USH2A: variants seen among roughly 807,000 people sequenced by gnomAD.
The protein encoded by USH2A is usherin.
Under a neutral mutation model 538.9 loss-of-function variants are expected in USH2A, and 443 were observed. The ratio of observed to expected loss-of-function variants is 0.82; its 90% CI spans 0.76 to 0.89. The LOEUF (loss-of-function observed/expected upper bound fraction) is 0.89, where lower values mean the gene tolerates loss of function less well. USH2A is among the 40% of genes least tolerant of loss of function. USH2A has a pLI of 0.00. For synonymous variants in USH2A, 2,413 were observed against 2,273.5 expected, an observed-to-expected ratio of 1.06 and a Z score of -1.75; for missense variants, 6,633 against 6,324.8, an observed-to-expected ratio of 1.05 and a Z score of -1.65.
chr1:216,421,707 A>C (rs1007422683), intron 2 of USH2A, 145 bp downstream of exon 2: 1 of 1,316,834 alleles, frequency 7.6e-7, no homozygotes, highest in African/African-American at 1.5e-5. Context: ...AAAAATTTTA[A>C]TTGGGGAAAC....
chr1:216,085,647 A>G (rs1261676472), intron 24 of USH2A, among the ~76,000 whole-genome samples: 1 of 152,030 alleles, frequency 6.6e-6, no homozygotes, highest in East Asian at 1.9e-4. Flanking sequence ...GGTACTTAGT[A>G]TCAGGGTATT....
chr1:215,794,459 T>G (rs1323180663), intron 50 of USH2A, among the ~76,000 whole-genome samples: 2 of 152,092 alleles, frequency 1.3e-5, no homozygotes. Context: ...GTATGCTGTT[T>G]GTTGCTAGGT....
intron 56 of USH2A, among the ~76,000 whole-genome samples, chr1:215,765,867 T>C (rs1004048528): frequency 2.6e-5 from 4 of 152,168 alleles, no homozygotes; most frequent in African/African-American, 9.7e-5. Flanking sequence ...TGAATTTATT[T>C]AGCAATTCTA....
At chr1:215,764,942 A>G (rs1661087372) in intron 56 of USH2A, among the ~76,000 whole-genome samples, 1 of 151,874 alleles carries the variant, frequency 6.6e-6, no homozygotes, top group Non-Finnish European at 1.5e-5. Flanking sequence ...ATTTCTTTGC[A>G]TGATTATTTG....
At chr1:215,939,757 A>G (rs1052035718) in intron 37 of USH2A, among the ~76,000 whole-genome samples, 4 of 152,098 alleles carry the variant, frequency 2.6e-5, no homozygotes, top group Non-Finnish European at 5.9e-5. Context: ...AATGCACCAT[A>G]TATTCCATAA....
rs140946605 is a variant in USH2A, at chr1:215,965,280, A to G, written c.7120+37T>C. Reference sequence around the variant, plus strand: ...TTTAAATAAAAATGAGTTGTTTTCTAATGTTATTTAAAGTTTAGAAAATAA... The same window carrying G: ...TTTAAATAAAAATGAGTTGTTTTCTGATGTTATTTAAAGTTTAGAAAATAA... On this transcript the variant is annotated intron_variant, in intron 37 of 71. Transcript: ENST00000307340. 311 of 1,583,850 alleles carry G rather than the reference A, an allele frequency of 2.0e-4. No homozygotes were observed. The African/African-American group carries it at 3.6e-3, about 18-fold the overall frequency.
chr1:215,986,304 CTTTTTCTTTTTT>C (rs1194576802), intron 35 of USH2A, among the ~76,000 whole-genome samples: 2 of 108,522 alleles, frequency 1.8e-5, no homozygotes, highest in African/African-American at 6.7e-5. Flanking sequence ...TTTCTTTTTT[CTTTTTCTTTTTT>C]TTTTTTTTTT....
intron 58 of USH2A, 36 bp downstream of exon 58, chr1:215,758,559 T>TAC (rs141869007): frequency 1.2e-4 from 183 of 1,531,768 alleles, no homozygotes; most frequent in Middle Eastern, 6.5e-4. Flanking sequence ...TTAAAATGTT[T>TAC]ACACACACAC....
chr1:215,662,374 G>T (rs987219811), intron 64 of USH2A, among the ~76,000 whole-genome samples: 1 of 152,340 alleles, frequency 6.6e-6, no homozygotes, highest in East Asian at 1.9e-4. Flanking sequence ...AATCTGAGTT[G>T]CATCTGCAAG....
chr1:216,107,046 T>C (rs2032752265), intron 21 of USH2A, among the ~76,000 whole-genome samples: 1 of 151,920 alleles, frequency 6.6e-6, no homozygotes, highest in Non-Finnish European at 1.5e-5. Context: ...CTGTAGAATG[T>C]TTGTAGTGTA....
Position 215,640,522 on chromosome 1 carries a change from G to A in USH2A, c.14968+36C>T, listed in dbSNP as rs376227305. The A allele has an allele frequency of 2.4e-5, 39 of 1,611,948 alleles. 1 individual carries two copies. The highest frequency in any genetic ancestry group is 2.0e-4 in the Middle Eastern group (1 of 4,948). On this transcript the variant is annotated intron_variant, in intron 68 of 71. Coordinates refer to ENST00000307340, the MANE Select transcript of USH2A (RefSeq NM_206933.4). ...ATCCCGTAAAGCTGGGGAACAGAGC[G>A]CCTTCCACACTGAGAAACAGGAGTC...
chr1:216,045,783 T>C (rs2030488791), intron 32 of USH2A, among the ~76,000 whole-genome samples: 2 of 152,022 alleles, frequency 1.3e-5, no homozygotes. Flanking sequence ...GCTAGAAGGA[T>C]TTAGGTAAGG....
In USH2A at chr1:216,200,134, G is replaced by T. The variant is rs199963520; in HGVS notation, c.3317-13C>A. 1.6e-6 allele frequency: 2 copies of T among 1,281,532 alleles called. No homozygotes were observed. The highest frequency in any genetic ancestry group is 1.1e-6 in the Non-Finnish European group (1 of 947,452). 79.4% of individuals were successfully genotyped at this position (1,281,532 alleles called of 1,614,324 possible). On this transcript the variant is annotated splice_polypyrimidine_tract_variant and intron_variant, in intron 16 of 71. Transcript: ENST00000307340. ...AAGTATTGAATACCTGAAATGAAAA[G>T]AAAAAAAAAAAACAAAGTTACATTT...
intron 13 of USH2A, 100 bp from the exon 14 acceptor site, chr1:216,232,236 A>G: frequency 7.7e-7 from 1 of 1,303,586 alleles, no homozygotes; most frequent in South Asian, 1.5e-5. Flanking sequence ...TACTCTACCA[A>G]GGCACTAATT....
intron 11 of USH2A, among the ~76,000 whole-genome samples, chr1:216,266,580 T>G (rs1427698862): frequency 6.6e-6 from 1 of 151,974 alleles, no homozygotes; most frequent in Non-Finnish European, 1.5e-5. Context: ...AAAAAGAAAG[T>G]AAACAGACAA....
At chr1:216,214,855 C>CGTGT (rs924867318) in intron 15 of USH2A, among the ~76,000 whole-genome samples, 2 of 151,500 alleles carry the variant, frequency 1.3e-5, no homozygotes, top group Non-Finnish European at 3.0e-5. Context: ...TAATTGTATA[C>CGTGT]GTGTGTGTGT....
intron 21 of USH2A, among the ~76,000 whole-genome samples, chr1:216,145,631 C>T (rs1258986380): frequency 4.6e-5 from 7 of 152,182 alleles, no homozygotes; most frequent in Admixed American, 6.5e-5. Flanking sequence ...GCCAAGCCAT[C>T]GCATCCCCTG....
At chr1:216,329,176 C>T (rs2037798433) in intron 4 of USH2A, among the ~76,000 whole-genome samples, 1 of 152,158 alleles carries the variant, frequency 6.6e-6, no homozygotes, top group Non-Finnish European at 1.5e-5. Flanking sequence ...ACTAAATCTA[C>T]TAAAACTTTG....
At chr1:216,003,696 T>C (rs772986429) in intron 32 of USH2A, among the ~76,000 whole-genome samples, 14 of 152,072 alleles carry the variant, frequency 9.2e-5, no homozygotes, top group Non-Finnish European at 1.9e-4. Flanking sequence ...AGAGATTTAA[T>C]GAGGGGTCAG....
Sources: gnomAD v4.1 joint callset for allele counts (sites outside exome capture counted in the v4.1 genomes callset) on GRCh38, gnomAD v4.1.1 for gene constraint, MANE v1.5 for transcripts, NCBI Gene and HGNC (gene_info 2026-07-23, HGNC 2026-07-21) for gene names.